Variants in PRPF38B observed in about 807,000 individuals in gnomAD.
The protein encoded by PRPF38B is pre-mRNA processing factor 38B.
PRPF38B carries 18 observed loss-of-function variants against 67.2 expected under a neutral mutation model. That is an observed-to-expected ratio of 0.27 (90% CI 0.19 to 0.40). PRPF38B has a LOEUF of 0.40. Ranked by LOEUF, PRPF38B falls within the 10% of genes least tolerant of loss-of-function variation. The pLI is 1.00. For missense variants in PRPF38B, 544 were observed against 684.9 expected, an observed-to-expected ratio of 0.79 and a Z score of 2.30; for synonymous variants, 246 against 234.2, an observed-to-expected ratio of 1.05 and a Z score of -0.46.
At chr1:108,697,555 T>C (rs2101046610) in intron 4 of PRPF38B, 1 of 103,250 alleles carries the variant, frequency 9.7e-6, no homozygotes, top group South Asian at 3.3e-4. Context: ...TTTTTTTTTT[T>C]TTTTGCCTGT....
At position 108,692,792 on chromosome 1, in the gene PRPF38B, G is replaced by A. The variant is rs1478821409; in HGVS notation, c.201G>A (p.Leu67=). The A allele has an allele frequency of 5.0e-6, 8 of 1,614,068 alleles. No individual in the cohort carries two copies. Among genetic ancestry groups the A allele is most frequent in the Non-Finnish European group, 6.8e-6 (8 of 1,180,050 alleles). ...ACCCCATGATCCTGACCAACATCCTGTCGTCGCCTTACTTCAAAGTACAGC... is the reference window on the plus strand; with the variant it reads ...ACCCCATGATCCTGACCAACATCCTATCGTCGCCTTACTTCAAAGTACAGC... ...NLNPMILTNI[L]SSPYFKVQLY... The change falls in exon 1 of 6, where the codon CTG becomes CTA. Residue 67 remains leucine, a synonymous_variant. Coordinates refer to ENST00000370025, the MANE Select transcript of PRPF38B (RefSeq NM_018061.4).
At position 108,698,753 on chromosome 1, in the gene PRPF38B, A is replaced by G; in HGVS notation, c.708A>G (p.Arg236=). The G allele has an allele frequency of 6.2e-7, 1 of 1,614,080 alleles. No homozygotes were observed. The highest frequency in any genetic ancestry group is 8.5e-7 in the Non-Finnish European group (1 of 1,179,970). ...ATATTGATCAACAGATTAAAACCCG[A>G]CCTAGAAAAATCAAGAAAGATGGGA... is the stretch of plus-strand genomic sequence containing the variant. ...QKNIDQQIKT[R]PRKIKKDGKE... Residue 236 remains arginine (R), a synonymous_variant, in exon 5 of 6, where the codon CGA becomes CGG. Transcript: ENST00000370025.
At chr1:108,695,865 G>T in intron 2 of PRPF38B, 95 bp downstream of exon 2, 1 of 1,430,948 alleles carries the variant, frequency 7.0e-7, no homozygotes, top group South Asian at 1.3e-5. Context: ...ACACTTGAGT[G>T]ACAATTTTTT....
In PRPF38B at chr1:108,692,609, C is replaced by G. The variant is rs758136170; in HGVS notation, c.18C>G (p.Pro6=). MANNS[P]ALTGNSQPQH... ...GCCGCAACATGGCTAACAACAGCCC[C>G]GCGCTGACAGGCAACTCGCAGCCGC... The change falls in exon 1 of 6, where the codon CCC becomes CCG. Residue 6 remains proline (P), a synonymous_variant. Coordinates refer to ENST00000370025, the MANE Select transcript of PRPF38B (RefSeq NM_018061.4). 3.6e-5 allele frequency: 58 copies of G among 1,600,100 alleles called. No homozygotes were observed. The highest frequency in any genetic ancestry group is 3.4e-5 in the Non-Finnish European group (40 of 1,174,096).
chr1:108,692,990 G>A, intron 1 of PRPF38B, 123 bp downstream of exon 1: 1 of 1,261,192 alleles, frequency 7.9e-7, no homozygotes, highest in Non-Finnish European at 1.1e-6. Context: ...TCGGCGGAGG[G>A]GTGGCTGCGG....
rs1247326806 is a variant in PRPF38B at position 108,702,710 on chromosome 1, TCAC to T, written c.*2696_*2698del. Among the ~76,000 whole-genome samples, 5 of 152,202 alleles carry T rather than the reference TCAC, an allele frequency of 3.3e-5. No individual in the cohort carries two copies. In the East Asian group the frequency reaches 9.7e-4, roughly 29 times the overall value. On this transcript the variant is annotated 3_prime_UTR_variant, in exon 6 of 6. Transcript: ENST00000370025. ...TAGATGACAGGTTGATGGGTGCAGCTCACCACCAAGGTACATGTATATCTAGGT... is the reference window on the plus strand; with the variant it reads ...TAGATGACAGGTTGATGGGTGCAGCTCACCAAGGTACATGTATATCTAGGT...
chr1:108,696,473 A>T, intron 4 of PRPF38B, 136 bp downstream of exon 4: 1 of 772,586 alleles, frequency 1.3e-6, no homozygotes, highest in East Asian at 2.7e-5. Flanking sequence ...TTTGGAATTA[A>T]TGTCCTTTTA....
rs755637878 is a variant in PRPF38B at position 108,692,543 on chromosome 1, T to C, written c.-49T>C. 6.6e-5 allele frequency: 98 copies of C among 1,495,604 alleles called. No homozygotes were observed. Among genetic ancestry groups the C allele is most frequent in the South Asian group, 4.0e-4 (31 of 76,800 alleles). The allele number at this position is 1,495,604 out of a possible 1,614,324, so 92.6% of individuals were successfully genotyped here. On this transcript the variant is annotated 5_prime_UTR_variant, in exon 1 of 6. Coordinates refer to ENST00000370025, the MANE Select transcript of PRPF38B (RefSeq NM_018061.4). The stretch of plus-strand genomic sequence containing the variant: ...GTTGTCCCGAAGAGCGAGATCGAGC[T>C]TGGCCCCCTCCCCCCCCTCCTTCCC...
At chr1:108,694,328 A>G (rs1200566157) in intron 1 of PRPF38B, among the ~76,000 whole-genome samples, 1 of 152,216 alleles carries the variant, frequency 6.6e-6, no homozygotes, top group African/African-American at 2.4e-5. Context: ...GTTTTCTAAC[A>G]TAGGCAAAAT....
intron 1 of PRPF38B, chr1:108,693,777 C>T (rs760017366): frequency 3.6e-6 from 1 of 275,784 alleles, no homozygotes; most frequent in Non-Finnish European, 5.5e-6. Flanking sequence ...TTCCACTTCC[C>T]TGCAAATTAT....
intron 4 of PRPF38B, 58 bp downstream of exon 4, chr1:108,696,395 C>A: frequency 6.9e-7 from 1 of 1,444,768 alleles, no homozygotes; most frequent in Non-Finnish European, 9.6e-7. Flanking sequence ...TTTTTATTAT[C>A]TTTTATTTAT....
chr1:108,700,013 CTG>C lies in PRPF38B; in HGVS notation c.1639_1640del (p.Ter547LysfsTer10), dbSNP rs770795217. ...AAACAGCATAAAAACAAAGATGAGA[CTG>C]TGTGAAAATATTTTGTAAAAGTGGA... On this transcript the variant is annotated frameshift_variant, in exon 6 of 6. Transcript: ENST00000370025. LOFTEE classifies it high-confidence loss of function. 2.2e-5 allele frequency: 34 copies of C among 1,578,696 alleles called. No homozygotes were observed. The highest frequency in any genetic ancestry group is 4.1e-5 in the Admixed American group (2 of 49,030).
rs140358618 is a variant in PRPF38B at position 108,695,707 on chromosome 1, G to T, written c.282G>T (p.Thr94=). 1.2e-6 allele frequency: 2 copies of T among 1,613,696 alleles called. No homozygotes were observed. The highest frequency in any genetic ancestry group is 2.7e-5 in the African/African-American group (2 of 74,894). The change falls in exon 2 of 6, where the codon ACG becomes ACT. Residue 94 remains threonine (T), a synonymous_variant. Transcript: ENST00000370025. ...EVVDEIYFKV[T]HVEPWEKGSR... is the part of the protein sequence containing the mutation. ...TTCCTCTTTTCTATTTTCAGGTCACGCACGTTGAACCATGGGAGAAAGGAA... is the reference window on the plus strand; with the variant it reads ...TTCCTCTTTTCTATTTTCAGGTCACTCACGTTGAACCATGGGAGAAAGGAA...
chr1:108,700,041 T>C lies in PRPF38B; in HGVS notation c.*21T>C, dbSNP rs778964044. 1.9e-6 allele frequency: 3 copies of C among 1,564,568 alleles called. No homozygotes were observed. Among genetic ancestry groups the C allele is most frequent in the Non-Finnish European group, 2.6e-6 (3 of 1,161,814 alleles). On this transcript the variant is annotated 3_prime_UTR_variant, in exon 6 of 6. Coordinates refer to ENST00000370025, the MANE Select transcript of PRPF38B (RefSeq NM_018061.4). ...TGTGAAAATATTTTGTAAAAGTGGA[T>C]CACATTGAATCCTATAAATGATTAA...
At position 108,692,330 on chromosome 1, in the gene PRPF38B, T is replaced by A. The variant is rs1659366738; in HGVS notation, c.-262T>A. 1 of 531,176 alleles carries A rather than the reference T, an allele frequency of 1.9e-6. No individual in the cohort carries two copies. Among genetic ancestry groups the A allele is most frequent in the Non-Finnish European group, 3.3e-6 (1 of 298,542 alleles). 32.9% of individuals were successfully genotyped at this position (531,176 alleles called of 1,614,324 possible). On this transcript the variant is annotated 5_prime_UTR_variant, in exon 1 of 6. Transcript: ENST00000370025. Reference sequence around the variant, plus strand: ...CCGCCATCTTGTTCCCAGGGGCAGTTGGCGGAAGAGATCGAGCTCCCTGGC... The same window carrying A: ...CCGCCATCTTGTTCCCAGGGGCAGTAGGCGGAAGAGATCGAGCTCCCTGGC...
At chr1:108,696,776 C>G in intron 4 of PRPF38B, 1 of 716,388 alleles carries the variant, frequency 1.4e-6, no homozygotes, top group Non-Finnish European at 2.6e-6. Flanking sequence ...TATCAGTATT[C>G]CCACTTGCAT....
Position 108,699,792 on chromosome 1 carries a change from T to G in PRPF38B, c.1413T>G (p.Ser471Arg), listed in dbSNP as rs775687888. The G allele has an allele frequency of 6.2e-7, 1 of 1,612,632 alleles. No homozygotes were observed. The highest frequency in any genetic ancestry group is 8.5e-7 in the Non-Finnish European group (1 of 1,179,676). Residue 471 changes from serine to arginine, a missense_variant, in exon 6 of 6, where the codon AGT becomes AGG. Transcript: ENST00000370025. ...GTAAAGAAAAATCAAATAAACGAAG[T>G]CGAAGTGGCAGTCAAGGAAGAACTG... ...NESKEKSNKR[S>R]RSGSQGRTDS...
chr1:108,696,588 C>A (rs1219128667), intron 4 of PRPF38B: 2 of 604,746 alleles, frequency 3.3e-6, no homozygotes, highest in Middle Eastern at 4.3e-4. Flanking sequence ...AAAATTTTCT[C>A]TTCTTAATTA....
intron 4 of PRPF38B, chr1:108,697,813 T>C (rs1660054320): frequency 6.6e-6 from 1 of 152,234 alleles, no homozygotes; most frequent in African/African-American, 2.4e-5. Flanking sequence ...TCCTTAGATA[T>C]CTGCAGCGAT....
Sources: gnomAD v4.1 joint callset for allele counts (sites outside exome capture counted in the v4.1 genomes callset) on GRCh38, gnomAD v4.1.1 for gene constraint, MANE v1.5 for transcripts, NCBI Gene and HGNC (gene_info 2026-07-23, HGNC 2026-07-21) for gene names.